Variants in DLG1 observed in about 807,000 individuals in gnomAD.
DLG1 encodes the protein discs large MAGUK scaffold protein 1, also known as disks large homolog 1.
Under a neutral mutation model 123.4 loss-of-function variants are expected in DLG1, and 42 were observed. That is an observed-to-expected ratio of 0.34 (90% CI 0.27 to 0.44). DLG1 has a LOEUF of 0.44. Ranked by LOEUF, DLG1 falls within the 20% of genes least tolerant of loss-of-function variation. DLG1 has a pLI of 1.00. For missense variants in DLG1, 942 were observed against 1,082.6 expected (o/e 0.87, Z 1.82); for synonymous variants, 317 against 356.2 (o/e 0.89, Z 1.24).
At chr3:197,215,538 C>T (rs1201148551) in intron 4 of DLG1, among the ~76,000 whole-genome samples, 1 of 151,934 alleles carries the variant, frequency 6.6e-6, no homozygotes, top group Non-Finnish European at 1.5e-5. Flanking sequence ...GGTAATTTGA[C>T]ATTAAAATTA....
At chr3:197,228,486 A>C (rs1039281578) in intron 4 of DLG1, among the ~76,000 whole-genome samples, 2 of 152,232 alleles carry the variant, frequency 1.3e-5, no homozygotes, top group African/African-American at 4.8e-5. Context: ...TGATCATTTT[A>C]ATGATTACTA....
intron 4 of DLG1, among the ~76,000 whole-genome samples, chr3:197,261,652 C>G (rs1759507757): frequency 6.6e-6 from 1 of 152,198 alleles, no homozygotes; most frequent in African/African-American, 2.4e-5. Context: ...GCACTAACAA[C>G]TTTCAGACTA....
intron 4 of DLG1, among the ~76,000 whole-genome samples, chr3:197,225,119 G>A (rs1272776351): frequency 6.6e-6 from 1 of 152,140 alleles, no homozygotes; most frequent in South Asian, 2.1e-4. Flanking sequence ...ACCGCACCCA[G>A]CTAATTTTTT....
At chr3:197,227,695 A>G (rs1339964178) in intron 4 of DLG1, among the ~76,000 whole-genome samples, 1 of 152,208 alleles carries the variant, frequency 6.6e-6, no homozygotes, top group Admixed American at 6.5e-5. Context: ...AACCTGCTCA[A>G]GAACACTTTT....
At chr3:197,182,860 T>C (rs1016152464) in intron 5 of DLG1, among the ~76,000 whole-genome samples, 2 of 152,120 alleles carry the variant, frequency 1.3e-5, no homozygotes, top group Non-Finnish European at 2.9e-5. Context: ...CCATAGACAA[T>C]AGCTCATTTC....
At chr3:197,273,421 A>C (rs1764817052) in intron 4 of DLG1, among the ~76,000 whole-genome samples, 1 of 151,834 alleles carries the variant, frequency 6.6e-6, no homozygotes, top group Non-Finnish European at 1.5e-5. Context: ...TATTTTTAGC[A>C]GAGATGGGGT....
intron 4 of DLG1, among the ~76,000 whole-genome samples, chr3:197,216,886 T>TA: frequency 6.6e-6 from 1 of 152,294 alleles, no homozygotes; most frequent in African/African-American, 2.4e-5. Flanking sequence ...AGAGATATTT[T>TA]ACAACTACTA....
chr3:197,216,259 A>T (rs1441022088), intron 4 of DLG1, among the ~76,000 whole-genome samples: 4 of 151,936 alleles, frequency 2.6e-5, no homozygotes, highest in African/African-American at 9.7e-5. Context: ...CCTTTTTTTT[A>T]CTTAAGCTTT....
rs186559651 is a variant in DLG1 at position 197,052,071 on chromosome 3, C to A, written c.2484-403G>T. On this transcript the variant is annotated intron_variant, in intron 23 of 24. Coordinates refer to ENST00000667157, the MANE Select transcript of DLG1 (RefSeq NM_001366207.1). The stretch of plus-strand genomic sequence containing the variant: ...GGGCAGGCTGGTCCCGAACTCCTGA[C>A]CCCAGGTAATCTGCTCGCCTTGGCC... Among the ~76,000 whole-genome samples the A allele has an allele frequency of 9.8e-3, 1,498 of 152,140 alleles. 21 individuals carry two copies. Among genetic ancestry groups the A allele is most frequent in the African/African-American group, 0.034 (1,396 of 41,534 alleles).
chr3:197,295,413 A>C (rs1776926396), intron 3 of DLG1, among the ~76,000 whole-genome samples: 1 of 152,198 alleles, frequency 6.6e-6, no homozygotes. Context: ...AAGTTACTGA[A>C]GAAATAAATG....
At chr3:197,131,815 G>A (rs532093969) in intron 10 of DLG1, among the ~76,000 whole-genome samples, 96 of 151,314 alleles carry the variant, frequency 6.3e-4, no homozygotes, top group Non-Finnish European at 1.2e-3. Context: ...GGATGGTCTC[G>A]ATCTCCTGAC....
chr3:197,171,982 C>T (rs901722296), intron 5 of DLG1, among the ~76,000 whole-genome samples: 6 of 152,076 alleles, frequency 3.9e-5, no homozygotes, highest in Non-Finnish European at 7.4e-5. Flanking sequence ...GATTCAGGTC[C>T]CTGTTATCAC....
At chr3:197,097,279 ACT>A (rs1472810622) in intron 14 of DLG1, among the ~76,000 whole-genome samples, 3 of 151,652 alleles carry the variant, frequency 2.0e-5, no homozygotes, top group Non-Finnish European at 2.9e-5. Flanking sequence ...TTGTACAAAA[ACT>A]CTTATAGTTC....
chr3:197,288,339 G>A (rs1367894819), intron 3 of DLG1, among the ~76,000 whole-genome samples: 2 of 140,386 alleles, frequency 1.4e-5, no homozygotes, highest in African/African-American at 5.3e-5. Flanking sequence ...ACTCCAGCCT[G>A]GTGACAGATC....
intron 5 of DLG1, among the ~76,000 whole-genome samples, chr3:197,190,725 T>C (rs1196872717): frequency 6.6e-6 from 1 of 152,176 alleles, no homozygotes; most frequent in South Asian, 2.1e-4. Context: ...AAAAGGGTTT[T>C]GTCGGCCGGG....
At chr3:197,116,144 G>T in intron 12 of DLG1, 61 bp from the exon 13 acceptor site, 1 of 1,320,274 alleles carries the variant, frequency 7.6e-7, no homozygotes, top group Non-Finnish European at 1.1e-6. Flanking sequence ...CATTCTATCA[G>T]TGAGAACTAC....
intron 4 of DLG1, among the ~76,000 whole-genome samples, chr3:197,229,571 C>T (rs937014383): frequency 1.1e-4 from 16 of 151,858 alleles, no homozygotes; most frequent in African/African-American, 3.6e-4. Context: ...GATTAAATTC[C>T]TGGCCTCGTT....
intron 4 of DLG1, among the ~76,000 whole-genome samples, chr3:197,250,350 AC>A (rs1753761851): frequency 6.6e-6 from 1 of 152,092 alleles, no homozygotes; most frequent in Non-Finnish European, 1.5e-5. Flanking sequence ...CAGGTGAATC[AC>A]GAGGTCAGGA....
intron 4 of DLG1, among the ~76,000 whole-genome samples, chr3:197,211,991 C>T (rs1409614965): frequency 6.8e-6 from 1 of 146,362 alleles, no homozygotes; most frequent in Non-Finnish European, 1.5e-5. Flanking sequence ...AACACAGGAA[C>T]AGAAAACCAA....
Sources: allele counts gnomAD v4.1 joint callset (sites outside exome capture counted in the v4.1 genomes callset), GRCh38; gene constraint gnomAD v4.1.1; transcripts MANE v1.5; gene names NCBI Gene and HGNC (gene_info 2026-07-23, HGNC 2026-07-21).